The following PVT1 variants were observed in gnomAD, a reference collection of about 807,000 sequenced individuals.
The protein encoded by PVT1 is CXCR4/PVT1 fusion.
intron 3 of PVT1, among the ~76,000 whole-genome samples, chr8:127,945,801 C>A (rs1261500390): frequency 6.6e-6 from 1 of 152,032 alleles, no homozygotes; most frequent in Non-Finnish European, 1.5e-5. Context: ...TCATTTTTTC[C>A]TTCAACTAAC....
intron 4 of PVT1, among the ~76,000 whole-genome samples, chr8:128,042,498 C>G (rs1348151518): frequency 6.6e-6 from 1 of 152,082 alleles, no homozygotes; most frequent in African/African-American, 2.4e-5. Flanking sequence ...AGGATACTCC[C>G]CAGGGCCTTG....
chr8:127,990,324 T>G (rs1271114962), intron 4 of PVT1, among the ~76,000 whole-genome samples: 1 of 152,196 alleles, frequency 6.6e-6, no homozygotes, highest in Non-Finnish European at 1.5e-5. Flanking sequence ...GTGAAATTGC[T>G]TAGAGCAAGG....
chr8:127,794,792 A>G (rs572965318), intron 1 of PVT1: 91 of 153,454 alleles, frequency 5.9e-4, no homozygotes, highest in African/African-American at 2.1e-3. Flanking sequence ...GGCCCTGAGT[A>G]GGGATGCGCT....
chr8:127,885,513 A>C (rs952601350), intron 2 of PVT1, among the ~76,000 whole-genome samples: 1 of 152,064 alleles, frequency 6.6e-6, no homozygotes, highest in Admixed American at 6.6e-5. Context: ...GGGTCTTTAT[A>C]TGGTGAAAGG....
At chr8:127,882,448 A>T (rs1456939929) in intron 2 of PVT1, among the ~76,000 whole-genome samples, 1 of 152,120 alleles carries the variant, frequency 6.6e-6, no homozygotes, top group East Asian at 1.9e-4. Context: ...GAAGAAGATA[A>T]AGGAGACATC....
chr8:127,866,050 C>T (rs980111771), intron 2 of PVT1, among the ~76,000 whole-genome samples: 3 of 152,198 alleles, frequency 2.0e-5, no homozygotes, highest in Non-Finnish European at 2.9e-5. Flanking sequence ...CAGCGCAGCC[C>T]TGCCTCCGGC....
intron 3 of PVT1, among the ~76,000 whole-genome samples, chr8:127,892,743 C>T (rs1278106994): frequency 2.6e-5 from 4 of 152,036 alleles, no homozygotes; most frequent in East Asian, 1.9e-4. Context: ...ACTGTGGTCA[C>T]GTAGGGGCAG....
rs558231864 is a variant in PVT1 at position 127,855,555 on chromosome 8, TTC to T, written n.373-35027_373-35026del. On this transcript the variant is annotated intron_variant and non_coding_transcript_variant, in intron 2 of 10. Transcript: ENST00000651587. ...AGCAGTGTTTCTAAAGTGTAGCCCC[TTC>T]TCTCTCCCGGGAAGGGAGACAAGTG... Among the ~76,000 whole-genome samples, 17 of 152,238 alleles carry T rather than the reference TTC, an allele frequency of 1.1e-4. 1 individual carries two copies. In the East Asian group the frequency reaches 3.1e-3, roughly 28 times the overall value.
chr8:127,940,062 C>A (rs12677518), intron 3 of PVT1: 3 of 151,946 alleles, frequency 2.0e-5, no homozygotes, highest in Non-Finnish European at 4.4e-5. Flanking sequence ...TGGGGAGGTA[C>A]CTGTTTACTC....
intron 4 of PVT1, chr8:128,010,284 G>T (rs549098583): frequency 6.6e-6 from 1 of 152,106 alleles, no homozygotes. Context: ...CTTATAAACT[G>T]CAAAATGTCT....
intron 4 of PVT1, among the ~76,000 whole-genome samples, chr8:128,036,891 G>A (rs1251686227): frequency 2.0e-5 from 3 of 152,246 alleles, no homozygotes; most frequent in Non-Finnish European, 2.9e-5. Context: ...GGACTTGGCT[G>A]CAGGGTGCTG....
chr8:127,899,091 TG>T (rs1334834065), intron 3 of PVT1, among the ~76,000 whole-genome samples: 26 of 152,160 alleles, frequency 1.7e-4, no homozygotes, highest in Admixed American at 1.4e-3. Context: ...TTCTGCTCAC[TG>T]GGGGGCCCCA....
intron 4 of PVT1, among the ~76,000 whole-genome samples, chr8:128,037,540 G>A (rs940920662): frequency 4.6e-5 from 7 of 152,226 alleles, no homozygotes; most frequent in African/African-American, 1.7e-4. Flanking sequence ...CATCTGGCCT[G>A]TAAGTACAGT....
chr8:127,913,050 G>A (rs781132959), intron 3 of PVT1, among the ~76,000 whole-genome samples: 5 of 146,722 alleles, frequency 3.4e-5, no homozygotes, highest in Admixed American at 1.4e-4. Flanking sequence ...GGGTTTTACC[G>A]TGTTGGCCAG....
chr8:127,912,584 A>T (rs142175029), intron 3 of PVT1, among the ~76,000 whole-genome samples: 1 of 152,178 alleles, frequency 6.6e-6, no homozygotes, highest in Non-Finnish European at 1.5e-5. Context: ...GATTATCCCT[A>T]TTGTGATAGA....
chr8:127,844,948 C>T (rs1472698901), intron 2 of PVT1, among the ~76,000 whole-genome samples: 1 of 152,038 alleles, frequency 6.6e-6, no homozygotes, highest in African/African-American at 2.4e-5. Flanking sequence ...CTCCTGACCT[C>T]GTGATCCACC....
intron 5 of PVT1, among the ~76,000 whole-genome samples, chr8:128,077,954 A>G (rs1336732200): frequency 6.6e-6 from 1 of 152,182 alleles, no homozygotes. Flanking sequence ...TCCTGACACC[A>G]AAAGTCAGTT....
At chr8:128,019,375 C>G (rs1403425916) in intron 4 of PVT1, among the ~76,000 whole-genome samples, 1 of 152,168 alleles carries the variant, frequency 6.6e-6, no homozygotes, top group East Asian at 1.9e-4. Flanking sequence ...TCCCTGTTGT[C>G]AGTTTGGTAA....
chr8:127,841,430 C>T (rs1469712449), intron 2 of PVT1, among the ~76,000 whole-genome samples: 4 of 152,098 alleles, frequency 2.6e-5, no homozygotes, highest in South Asian at 4.1e-4. Context: ...TGCACCACCA[C>T]GCTTGGCTAA....
Sources: allele counts gnomAD v4.1 joint callset (sites outside exome capture counted in the v4.1 genomes callset), GRCh38; gene constraint gnomAD v4.1.1; transcripts MANE v1.5; gene names NCBI Gene and HGNC (gene_info 2026-07-23, HGNC 2026-07-21).